The following GABRB1 variants were observed in gnomAD, a reference collection of about 807,000 sequenced individuals.
The protein encoded by GABRB1 is gamma-aminobutyric acid receptor subunit beta-1.
In GABRB1, 17 loss-of-function variants were observed where a neutral mutation model predicts 51.6. The ratio of observed to expected loss-of-function variants is 0.33; its 90% CI spans 0.23 to 0.49. GABRB1 has a LOEUF of 0.49. Ranked by LOEUF, GABRB1 falls within the 20% of genes least tolerant of loss-of-function variation. The pLI is 0.99. For synonymous variants in GABRB1, 247 were observed against 218.9 expected (o/e 1.13, Z -1.14); for missense variants, 410 against 600.6 (o/e 0.68, Z 3.32).
intron 3 of GABRB1, among the ~76,000 whole-genome samples, chr4:47,078,083 G>A (rs1018127009): frequency 4.7e-5 from 7 of 148,382 alleles, no homozygotes; most frequent in African/African-American, 1.5e-4. Context: ...TCTACCTTCC[G>A]GGTTCAAGCA....
chr4:47,062,419 A>G (rs2109529688), intron 3 of GABRB1, among the ~76,000 whole-genome samples: 1 of 144,894 alleles, frequency 6.9e-6, no homozygotes, highest in Admixed American at 7.0e-5. Flanking sequence ...TGGCTTATCT[A>G]CAATGTTCTT....
chr4:47,193,280 AC>A lies in GABRB1; in HGVS notation c.461+31814del, dbSNP rs1260243113. ...TGGGATTACAGGCATGCGCCACCAC[AC>A]CCAGCTAATTTTGCATTTTTAGTAG... is the stretch of plus-strand genomic sequence containing the variant. On this transcript the variant is annotated intron_variant, in intron 4 of 8. Coordinates refer to ENST00000295454, the MANE Select transcript of GABRB1 (RefSeq NM_000812.4). Among the ~76,000 whole-genome samples the A allele has an allele frequency of 5.3e-5, 8 of 152,150 alleles. No individual in the cohort carries two copies. In the East Asian group the frequency reaches 1.5e-3, roughly 29 times the overall value.
intron 4 of GABRB1, among the ~76,000 whole-genome samples, chr4:47,299,294 G>C (rs1160899571): frequency 6.6e-6 from 1 of 152,036 alleles, no homozygotes; most frequent in Non-Finnish European, 1.5e-5. Context: ...CCATCAGAGT[G>C]AACAGGCAAC....
intron 3 of GABRB1, chr4:47,043,471 T>A (rs1725946250): frequency 6.6e-6 from 1 of 152,076 alleles, no homozygotes; most frequent in Non-Finnish European, 1.5e-5. Flanking sequence ...TTTTACAGGA[T>A]GGCATCTGTT....
At chr4:47,375,426 G>A (rs1351332969) in intron 5 of GABRB1, among the ~76,000 whole-genome samples, 1 of 152,196 alleles carries the variant, frequency 6.6e-6, no homozygotes, top group African/African-American at 2.4e-5. Context: ...GATGAGGTCA[G>A]TGTTATCAGT....
chr4:47,216,089 A>G (rs193041248), intron 4 of GABRB1, among the ~76,000 whole-genome samples: 347 of 152,140 alleles, frequency 2.3e-3, no homozygotes, highest in Non-Finnish European at 4.1e-3. Context: ...ATAAATAGGA[A>G]AAACAGATTA....
chr4:47,293,087 A>G (rs1349574586), intron 4 of GABRB1, among the ~76,000 whole-genome samples: 20 of 152,116 alleles, frequency 1.3e-4, no homozygotes, highest in Admixed American at 1.3e-3. Flanking sequence ...TACCTATACA[A>G]ATTTGGGGGC....
intron 3 of GABRB1, among the ~76,000 whole-genome samples, chr4:47,101,429 T>C (rs1481650391): frequency 1.3e-5 from 2 of 152,042 alleles, no homozygotes; most frequent in Non-Finnish European, 2.9e-5. Context: ...TATTTAGAAG[T>C]TGACATTAAT....
intron 4 of GABRB1, among the ~76,000 whole-genome samples, chr4:47,199,393 G>A (rs878976917): frequency 6.6e-6 from 1 of 152,096 alleles, no homozygotes; most frequent in Non-Finnish European, 1.5e-5. Context: ...TACGACTCAT[G>A]GATCCCCTTA....
chr4:47,149,738 C>A (rs1025854704), intron 3 of GABRB1, among the ~76,000 whole-genome samples: 1 of 135,100 alleles, frequency 7.4e-6, no homozygotes, highest in Non-Finnish European at 1.6e-5. Flanking sequence ...TAAGGTTATC[C>A]AAATTTTTGC....
At chr4:47,246,597 T>G (rs1192192382) in intron 4 of GABRB1, among the ~76,000 whole-genome samples, 1 of 151,266 alleles carries the variant, frequency 6.6e-6, no homozygotes, top group Non-Finnish European at 1.5e-5. Context: ...CTTTGAGGAA[T>G]CTTCACACTG....
chr4:47,055,616 T>C (rs978658726), intron 3 of GABRB1, among the ~76,000 whole-genome samples: 1 of 152,184 alleles, frequency 6.6e-6, no homozygotes, highest in Non-Finnish European at 1.5e-5. Flanking sequence ...AGAGGGAAGA[T>C]GTCTCACTTG....
chr4:47,342,380 A>G (rs1006301425), intron 5 of GABRB1, among the ~76,000 whole-genome samples: 2 of 143,316 alleles, frequency 1.4e-5, no homozygotes, highest in Non-Finnish European at 3.1e-5. Flanking sequence ...TCTACAAAAG[A>G]CATGAGGCAC....
intron 3 of GABRB1, among the ~76,000 whole-genome samples, chr4:47,125,408 A>G (rs546537600): frequency 6.6e-6 from 1 of 152,200 alleles, no homozygotes; most frequent in Admixed American, 6.6e-5. Context: ...ACTCATTGAT[A>G]CAGGTAAACA....
At chr4:47,016,526 C>T (rs986405777) in intron 1 of GABRB1, among the ~76,000 whole-genome samples, 12 of 152,030 alleles carry the variant, frequency 7.9e-5, no homozygotes, top group Non-Finnish European at 1.5e-4. Context: ...TGTTCTTTAC[C>T]GTCCTCTAGG....
At chr4:47,128,522 C>A (rs1716266362) in intron 3 of GABRB1, among the ~76,000 whole-genome samples, 1 of 151,826 alleles carries the variant, frequency 6.6e-6, no homozygotes, top group South Asian at 2.1e-4. Flanking sequence ...TTATGCTGAA[C>A]AGAAGAAGCT....
At chr4:47,039,582 GAC>G (rs1725744176) in intron 3 of GABRB1, among the ~76,000 whole-genome samples, 1 of 152,104 alleles carries the variant, frequency 6.6e-6, no homozygotes, top group Non-Finnish European at 1.5e-5. Flanking sequence ...CTATGATAGA[GAC>G]ATGTATGTAT....
chr4:47,345,271 CAG>C (rs1726049261), intron 5 of GABRB1, among the ~76,000 whole-genome samples: 1 of 152,074 alleles, frequency 6.6e-6, no homozygotes, highest in Non-Finnish European at 1.5e-5. Context: ...AAGATGACAA[CAG>C]AGAGCAAAAG....
In GABRB1 at chr4:47,238,296, G is replaced by A. The variant is rs554335957; in HGVS notation, c.461+76827G>A. Among the ~76,000 whole-genome samples, 17 of 152,114 alleles carry A rather than the reference G, an allele frequency of 1.1e-4. No homozygotes were observed. The South Asian group carries it at 2.5e-3, about 22-fold the overall frequency. ...GATTAACATGTATGATCATTATACC[G>A]ATTCTGCTTAATATCCTTTTTTTAA... is the stretch of plus-strand genomic sequence containing the variant. On this transcript the variant is annotated intron_variant, in intron 4 of 8. Transcript: ENST00000295454.
Sources: allele counts gnomAD v4.1 joint callset (sites outside exome capture counted in the v4.1 genomes callset), GRCh38; gene constraint gnomAD v4.1.1; transcripts MANE v1.5; gene names NCBI Gene and HGNC (gene_info 2026-07-23, HGNC 2026-07-21).